CDC6: variants seen among roughly 807,000 people sequenced by gnomAD.
The protein encoded by CDC6 is DNA replication factor CDC6.
CDC6 carries 46 observed loss-of-function variants against 60.2 expected under a neutral mutation model. The observed-to-expected ratio is 0.76, with a 90% CI of 0.60 to 0.98. The LOEUF (loss-of-function observed/expected upper bound fraction) is 0.98, where lower values mean the gene tolerates loss of function less well. CDC6 is among the 50% of genes least tolerant of loss of function. CDC6 has a pLI of 0.00. For synonymous variants in CDC6, 210 were observed against 233.2 expected, an observed-to-expected ratio of 0.90 and a Z score of 0.90; for missense variants, 596 against 652.9, an observed-to-expected ratio of 0.91 and a Z score of 0.95.
At chr17:40,290,944 G>C in intron 2 of CDC6, 114 bp from the exon 3 acceptor site, 6 of 1,050,920 alleles carry the variant, frequency 5.7e-6, no homozygotes, top group Non-Finnish European at 8.9e-6. Context: ...ATTTTATTTT[G>C]GTGGTTCTGA....
chr17:40,291,706 A>G (rs2032765153), intron 4 of CDC6, 38 bp downstream of exon 4: 1 of 1,548,780 alleles, frequency 6.5e-7, no homozygotes, highest in East Asian at 2.2e-5. Flanking sequence ...TCTTGGTAAA[A>G]TGATACTTGG....
intron 1 of CDC6, 180 bp from the exon 2 acceptor site, chr17:40,289,228 C>T (rs1468727312): frequency 5.0e-6 from 3 of 604,342 alleles, no homozygotes; most frequent in Non-Finnish European, 8.8e-6. Context: ...AGTAGGTAGA[C>T]AACAAATGTC....
chr17:40,289,972 G>A (rs2032728854), intron 2 of CDC6, among the ~76,000 whole-genome samples: 1 of 148,734 alleles, frequency 6.7e-6, no homozygotes. Context: ...TGATCCAACT[G>A]CCTCGGCCTC....
At chr17:40,290,119 T>A (rs1265616719) in intron 2 of CDC6, among the ~76,000 whole-genome samples, 3 of 152,220 alleles carry the variant, frequency 2.0e-5, no homozygotes, top group Admixed American at 6.5e-5. Flanking sequence ...TCTGAACTAC[T>A]TAATAAGTCT....
chr17:40,289,188 T>G, intron 1 of CDC6: 1 of 488,980 alleles, frequency 2.0e-6, no homozygotes, highest in Non-Finnish European at 3.7e-6. Context: ...AGTTGGTACC[T>G]AAAGTGTTTA....
chr17:40,297,866 A>G (rs919103395), intron 9 of CDC6, among the ~76,000 whole-genome samples: 3 of 152,250 alleles, frequency 2.0e-5, no homozygotes, highest in African/African-American at 7.2e-5. Flanking sequence ...ATACTGCTAC[A>G]GTAAGCTGCA....
chr17:40,288,765 T>C (rs2032703544), intron 1 of CDC6, among the ~76,000 whole-genome samples: 1 of 152,084 alleles, frequency 6.6e-6, no homozygotes, highest in South Asian at 2.1e-4. Context: ...TTTGCATTTT[T>C]AGTAGAGACG....
chr17:40,300,585 A>C (rs1027636146), intron 9 of CDC6, among the ~76,000 whole-genome samples: 1 of 152,158 alleles, frequency 6.6e-6, no homozygotes, highest in Non-Finnish European at 1.5e-5. Flanking sequence ...ACAGCTCACT[A>C]TTTGGCCCAG....
At chr17:40,293,236 C>T (rs1213251946) in intron 4 of CDC6, among the ~76,000 whole-genome samples, 1 of 151,086 alleles carries the variant, frequency 6.6e-6, no homozygotes, top group Non-Finnish European at 1.5e-5. Flanking sequence ...GAGACTCCGT[C>T]TCAAAGAAAA....
In CDC6 at chr17:40,287,896, G is replaced by A. The variant is rs1454031388; in HGVS notation, c.-208G>A. The A allele has an allele frequency of 6.5e-6, 1 of 153,216 alleles. No homozygotes were observed. The highest frequency in any genetic ancestry group is 2.1e-4 in the South Asian group (1 of 4,860). The allele number at this position is 153,216 out of a possible 1,614,324, so 9.5% of individuals were successfully genotyped here. On this transcript the variant is annotated 5_prime_UTR_variant, in exon 1 of 12. Coordinates refer to ENST00000209728, the MANE Select transcript of CDC6 (RefSeq NM_001254.4). ...CTGTGGCCATTCGGATTTGGCGCGA[G>A]CGCGGCTGGAGTTTGCTGCTGCCGC... is the stretch of plus-strand genomic sequence containing the variant.
Position 40,291,486 on chromosome 17 carries a change from G to T in CDC6, c.478G>T (p.Ala160Ser). 1 of 1,614,206 alleles carries T rather than the reference G, an allele frequency of 6.2e-7. No homozygotes were observed. Among genetic ancestry groups the T allele is most frequent in the African/African-American group, 1.3e-5 (1 of 75,064 alleles). ...FKQEGTCYQQ[A>S]KLVLNTAVPD... ...TGGCACAGGCACTTGCTACCAGCAA[G>T]CAAAGCTGGTCCTGAACACAGCTGT... The change falls in exon 4 of 12, where the codon GCA becomes TCA. Residue 160 changes from alanine to serine, a missense_variant. Physicochemically the swap from Ala to Ser is moderately conservative, Grantham distance 99. Transcript: ENST00000209728.
chr17:40,289,553 TCTC>T lies in CDC6; in HGVS notation c.137_139del (p.Pro46del), dbSNP rs776043160. 4.3e-5 allele frequency: 70 copies of T among 1,614,072 alleles called. No individual in the cohort carries two copies. The Admixed American group carries it at 5.7e-4, about 13-fold the overall frequency. On this transcript the variant is annotated inframe_deletion, in exon 2 of 12. Transcript: ENST00000209728. ...AACAAATGTCCAAACCGTAACCTGT[TCTC>T]CTCGTGTAAAAGCCCTGCCTCTCAG...
At chr17:40,300,712 C>A in intron 9 of CDC6, 116 bp from the exon 10 acceptor site, 1 of 836,710 alleles carries the variant, frequency 1.2e-6, no homozygotes, top group Non-Finnish European at 2.1e-6. Context: ...TGCTTTGCCA[C>A]CATGTGACTA....
At chr17:40,299,320 T>C (rs1224815051) in intron 9 of CDC6, among the ~76,000 whole-genome samples, 1 of 151,450 alleles carries the variant, frequency 6.6e-6, no homozygotes, top group African/African-American at 2.4e-5. Flanking sequence ...GCTGTTTTTT[T>C]TGTATTTTTA....
intron 7 of CDC6, 33 bp downstream of exon 7, chr17:40,294,536 TC>T: frequency 6.2e-7 from 1 of 1,606,808 alleles, no homozygotes. Flanking sequence ...AATTATGTGT[TC>T]CTTGGATCAC....
intron 8 of CDC6, among the ~76,000 whole-genome samples, chr17:40,295,951 G>T (rs1312184871): frequency 6.6e-6 from 1 of 151,986 alleles, no homozygotes; most frequent in African/African-American, 2.4e-5. Flanking sequence ...GCCGACTGAT[G>T]AAATTTCTTC....
At chr17:40,300,030 C>A (rs1443861327) in intron 9 of CDC6, among the ~76,000 whole-genome samples, 1 of 151,944 alleles carries the variant, frequency 6.6e-6, no homozygotes, top group Non-Finnish European at 1.5e-5. Context: ...GTGGCACAAT[C>A]TTGGCTCACT....
intron 10 of CDC6, 51 bp downstream of exon 10, chr17:40,301,081 T>G: frequency 7.8e-7 from 1 of 1,286,568 alleles, no homozygotes; most frequent in Non-Finnish European, 1.1e-6. Flanking sequence ...GAATCTGCTT[T>G]GCAGAGCAGG....
rs774003006 is a variant in CDC6, at chr17:40,293,514, A to G, written c.719A>G (p.Gln240Arg). 1.2e-6 allele frequency: 2 copies of G among 1,613,954 alleles called. No homozygotes were observed. Among genetic ancestry groups the G allele is most frequent in the South Asian group, 1.1e-5 (1 of 91,076 alleles). ...MLNCMSLRTA[Q>R]AVFPAIAQEI... is the part of the protein sequence containing the mutation. ...AATTGCATGTCCTTGAGGACTGCCCAGGCTGTATTCCCAGCTATTGCTCAG... is the reference window on the plus strand; with the variant it reads ...AATTGCATGTCCTTGAGGACTGCCCGGGCTGTATTCCCAGCTATTGCTCAG... The change falls in exon 5 of 12, where the codon CAG (glutamine) becomes CGG (arginine). Residue 240 changes from glutamine to arginine, a missense_variant. Physicochemically the swap from Gln to Arg is conservative, Grantham distance 43. Coordinates refer to ENST00000209728, the MANE Select transcript of CDC6 (RefSeq NM_001254.4).
Sources: gnomAD v4.1 joint callset for allele counts (sites outside exome capture counted in the v4.1 genomes callset) on GRCh38, gnomAD v4.1.1 for gene constraint, MANE v1.5 for transcripts, NCBI Gene and HGNC (gene_info 2026-07-23, HGNC 2026-07-21) for gene names.